VPS13C: variants seen among roughly 807,000 people sequenced by gnomAD.
VPS13C encodes the protein vacuolar protein sorting 13 homolog C, also known as intermembrane lipid transfer protein VPS13C.
VPS13C carries 358 observed loss-of-function variants against 456.8 expected under a neutral mutation model. The observed-to-expected ratio is 0.78, with a 90% CI of 0.72 to 0.86. The LOEUF (loss-of-function observed/expected upper bound fraction) is 0.86, where lower values mean the gene tolerates loss of function less well. Ranked by LOEUF, VPS13C falls within the 40% of genes least tolerant of loss-of-function variation. VPS13C has a pLI of 0.00. For synonymous variants in VPS13C, 1,578 were observed against 1,486.7 expected (o/e 1.06, Z -1.41); for missense variants, 4,818 against 4,385.4 (o/e 1.10, Z -2.79).
In VPS13C at chr15:61,907,326, T is replaced by C. The variant is rs1455656287; in HGVS notation, c.9043A>G (p.Thr3015Ala). The C allele has an allele frequency of 5.0e-6, 8 of 1,613,880 alleles. No individual in the cohort carries two copies. The African/African-American group carries it at 5.3e-5, about 11-fold the overall frequency. ...GTCCATGTAAGTTTTCTGGTACCAGTAGGATCTGCCCAGGCAAAAAGTCGA... is the reference window on the plus strand; with the variant it reads ...GTCCATGTAAGTTTTCTGGTACCAGCAGGATCTGCCCAGGCAAAAAGTCGA... ...QARLFAWADP[T>A]GTRKLTWTYA... The change falls in exon 66 of 85, where the codon ACT becomes GCT. Residue 3015 changes from threonine to alanine, a missense_variant. Thr to Ala is a moderately conservative substitution (Grantham distance 58). This residue lies in a region of VPS13C where 4,552 missense variants were observed against 4,130.6 expected (regional missense o/e 1.10). Transcript: ENST00000644861.
In VPS13C at chr15:62,020,501, G is replaced by A. The variant is rs202137969; in HGVS notation, c.662C>T (p.Thr221Ile). 4 of 1,611,626 alleles carry A rather than the reference G, an allele frequency of 2.5e-6. No homozygotes were observed. In the East Asian group the frequency reaches 8.9e-5, roughly 36 times the overall value. Residue 221 changes from threonine to isoleucine, a missense_variant, in exon 9 of 85, where the codon ACA (threonine) becomes ATA (isoleucine). By Grantham distance (89) the Thr-to-Ile change is moderately conservative. Transcript: ENST00000644861. Reference sequence around the variant, plus strand: ...TACCAGTAGACTAAGCTCTCCCAGTGTGACACCAAATGAAAGAGGCCGCTT... The same window carrying A: ...TACCAGTAGACTAAGCTCTCCCAGTATGACACCAAATGAAAGAGGCCGCTT... ...DPKRPLSFGV[T>I]LGELSLLTAN...
chr15:62,057,651 C>T (rs2048844964), intron 1 of VPS13C, among the ~76,000 whole-genome samples: 1 of 152,022 alleles, frequency 6.6e-6, no homozygotes, highest in Non-Finnish European at 1.5e-5. Context: ...TTGCTCAGGC[C>T]TATTATAAAG....
intron 26 of VPS13C, 109 bp from the exon 27 acceptor site, chr15:61,972,873 T>G: frequency 8.3e-7 from 1 of 1,211,114 alleles, no homozygotes; most frequent in Non-Finnish European, 1.1e-6. Flanking sequence ...AGATATAATC[T>G]TCATATTCAG....
intron 82 of VPS13C, among the ~76,000 whole-genome samples, chr15:61,860,621 C>A (rs923073970): frequency 6.6e-6 from 1 of 152,008 alleles, no homozygotes; most frequent in African/African-American, 2.4e-5. Flanking sequence ...ATTATGTAGT[C>A]ATTAAAAATC....
chr15:61,917,209 T>C, intron 60 of VPS13C, 132 bp downstream of exon 60: 2 of 959,922 alleles, frequency 2.1e-6, no homozygotes, highest in Non-Finnish European at 3.1e-6. Context: ...TTTGCTATCA[T>C]TAACATTATG....
chr15:61,868,691 T>A lies in VPS13C; in HGVS notation c.10831A>T (p.Arg3611Ter). The A allele has an allele frequency of 6.2e-7, 1 of 1,614,116 alleles. No homozygotes were observed. The highest frequency in any genetic ancestry group is 1.1e-5 in the South Asian group (1 of 91,072). The change falls in exon 81 of 85, where the codon AGA becomes TGA. Residue 3611 changes from arginine (R) to a stop codon, truncating the protein, a stop_gained. Coordinates refer to ENST00000644861, the MANE Select transcript of VPS13C (RefSeq NM_020821.3). LOFTEE classifies it high-confidence loss of function. ...HEDGIIRPYDRQESEGSDLLE... is the reference protein window; with the variant it reads ...HEDGIIRPYD ...AAGTCAGAGCCCTCAGATTCCTGTC[T>A]GTCATAAGGACGAATGATGCCATCT...
At chr15:61,893,467 T>C (rs1241802628) in intron 66 of VPS13C, among the ~76,000 whole-genome samples, 1 of 151,772 alleles carries the variant, frequency 6.6e-6, no homozygotes, top group Non-Finnish European at 1.5e-5. Context: ...TCTAGACACA[T>C]CTTACAAAAA....
chr15:61,894,919 A>G (rs2042761666), intron 66 of VPS13C, among the ~76,000 whole-genome samples: 1 of 152,192 alleles, frequency 6.6e-6, no homozygotes, highest in Admixed American at 6.5e-5. Flanking sequence ...ATTTCATCCG[A>G]CTGCTGCAGA....
chr15:61,940,702 G>A lies in VPS13C; in HGVS notation c.5546C>T (p.Ala1849Val), dbSNP rs762059835. ...CATCCCTGGAATTTGCACATACCAT[G>A]CTGCTGCTAAGTTTCGCTGTATGGA... ...LLSIQRNLAA[A>V]WYVQIPGMEI... Residue 1849 changes from alanine to valine, a missense_variant, in exon 47 of 85, where the codon GCA (alanine) becomes GTA (valine). By Grantham distance (64) the Ala-to-Val change is moderately conservative (BLOSUM62 0). This residue lies in a region of VPS13C where 4,552 missense variants were observed against 4,130.6 expected (regional missense o/e 1.10). Coordinates refer to ENST00000644861, the MANE Select transcript of VPS13C (RefSeq NM_020821.3). The A allele has an allele frequency of 6.2e-7, 1 of 1,613,688 alleles. No homozygotes were observed. The highest frequency in any genetic ancestry group is 8.5e-7 in the Non-Finnish European group (1 of 1,179,838).
chr15:61,926,083 C>A (rs1332123969), intron 52 of VPS13C, among the ~76,000 whole-genome samples: 4 of 152,118 alleles, frequency 2.6e-5, no homozygotes, highest in East Asian at 1.9e-4. Flanking sequence ...GCAATTAGTA[C>A]GGCATAATTG....
intron 49 of VPS13C, among the ~76,000 whole-genome samples, chr15:61,933,418 A>G (rs2044125936): frequency 6.6e-6 from 1 of 152,192 alleles, no homozygotes; most frequent in Non-Finnish European, 1.5e-5. Context: ...AAAATGAAAT[A>G]TAAATGAACA....
rs773454635 is a variant in VPS13C at position 61,941,788 on chromosome 15, C to T, written c.5428G>A (p.Glu1810Lys). ...LPPVIDKMNI[E>K]LTQLKLSRTI... ...CTTGACAGCTTCAACTGAGTGAGTTCGATGTTCATTTTATCAATGACTGGA... is the reference window on the plus strand; with the variant it reads ...CTTGACAGCTTCAACTGAGTGAGTTTGATGTTCATTTTATCAATGACTGGA... The change falls in exon 46 of 85, where the codon GAA becomes AAA. Residue 1810 changes from glutamate to lysine, a missense_variant. Glu to Lys is a moderately conservative substitution (Grantham distance 56, BLOSUM62 1). This residue lies in a region of VPS13C where 4,552 missense variants were observed against 4,130.6 expected (regional missense o/e 1.10). Coordinates refer to ENST00000644861, the MANE Select transcript of VPS13C (RefSeq NM_020821.3). 1.4e-5 allele frequency: 23 copies of T among 1,612,176 alleles called. No homozygotes were observed. In the East Asian group the frequency reaches 2.2e-4, roughly 16 times the overall value.
chr15:62,014,117 A>C (rs2047143574), intron 9 of VPS13C, 125 bp from the exon 10 acceptor site: 1 of 547,994 alleles, frequency 1.8e-6, no homozygotes, highest in Non-Finnish European at 3.2e-6. Context: ...AACTAGTATT[A>C]GCTATCTATT....
In VPS13C at chr15:61,945,604, A is replaced by G. The variant is rs576277612; in HGVS notation, c.5148+111T>C. On this transcript the variant is annotated intron_variant, in intron 45 of 84. Coordinates refer to ENST00000644861, the MANE Select transcript of VPS13C (RefSeq NM_020821.3). The stretch of plus-strand genomic sequence containing the variant: ...AATATTAACATTCTGTTCAGCACTC[A>G]GGTGCTCATCACACAGCCTTATCAG... 1.1e-5 allele frequency: 8 copies of G among 721,854 alleles called. No homozygotes were observed. In the East Asian group the frequency reaches 2.1e-4, roughly 19 times the overall value. The allele number at this position is 721,854 out of a possible 1,614,324, so 44.7% of individuals were successfully genotyped here. A position where few individuals can be genotyped will look rare whatever the true frequency, so the allele number is the denominator to read the frequency against.
At chr15:62,008,879 A>G (rs2046945669) in intron 13 of VPS13C, 118 bp from the exon 14 acceptor site, 3 of 472,684 alleles carry the variant, frequency 6.3e-6, no homozygotes, top group Non-Finnish European at 1.1e-5. Context: ...GTTGCCTGGT[A>G]GTCCAATAAT....
rs1310692646 is a variant in VPS13C, at chr15:61,867,444, G to A, written c.10863+1215C>T. ...AACTGACAATTCAATTATTAAAGCAGATGCTCCAGGTAATAGTCCCGTAAC... is the reference window on the plus strand; with the variant it reads ...AACTGACAATTCAATTATTAAAGCAAATGCTCCAGGTAATAGTCCCGTAAC... On this transcript the variant is annotated intron_variant, in intron 81 of 84. Coordinates refer to ENST00000644861, the MANE Select transcript of VPS13C (RefSeq NM_020821.3). This position sits in a 1 kb window ranked among gnomAD's most constrained non-coding sequence, Gnocchi z 5.0. 13 of 986,790 alleles carry A rather than the reference G, an allele frequency of 1.3e-5. No individual in the cohort carries two copies. Among genetic ancestry groups the A allele is most frequent in the Non-Finnish European group, 1.6e-5 (13 of 831,062 alleles). 61.1% of individuals were successfully genotyped at this position (986,790 alleles called of 1,614,324 possible).
At chr15:62,035,651 G>C (rs1342610545) in intron 3 of VPS13C, among the ~76,000 whole-genome samples, 1 of 151,922 alleles carries the variant, frequency 6.6e-6, no homozygotes, top group Admixed American at 6.6e-5. Flanking sequence ...ACAGGAAGAG[G>C]CTAGCTCTAA....
chr15:62,007,861 C>CT (rs1408347458), intron 14 of VPS13C, among the ~76,000 whole-genome samples: 1 of 152,084 alleles, frequency 6.6e-6, no homozygotes, highest in Non-Finnish European at 1.5e-5. Context: ...AATCCCAGCA[C>CT]TTTGAGAGGC....
intron 37 of VPS13C, among the ~76,000 whole-genome samples, chr15:61,955,797 A>G (rs901640865): frequency 2.0e-5 from 3 of 152,196 alleles, no homozygotes; most frequent in Admixed American, 2.0e-4. Flanking sequence ...ACCAGTCAGA[A>G]TATCTATTGA....
Sources: gnomAD v4.1 joint callset for allele counts (sites outside exome capture counted in the v4.1 genomes callset) on GRCh38, gnomAD v4.1.1 for gene constraint, gnomAD v4.1.1 regional missense constraint, Gnocchi (gnomAD v3.1) non-coding constraint, MANE v1.5 for transcripts, NCBI Gene and HGNC (gene_info 2026-07-23, HGNC 2026-07-21) for gene names.